DCDC2B: variants seen among roughly 807,000 people sequenced by gnomAD.
DCDC2B encodes doublecortin domain containing 2B, also known as doublecortin domain-containing protein 2B.
Under a neutral mutation model 38.9 loss-of-function variants are expected in DCDC2B, and 41 were observed. The ratio of observed to expected loss-of-function variants is 1.05; its 90% confidence interval spans 0.82 to 1.37. The LOEUF (loss-of-function observed/expected upper bound fraction) is 1.37, where lower values mean the gene tolerates loss of function less well. Ranked by LOEUF, DCDC2B falls within the 40% of genes most tolerant of loss-of-function variation. DCDC2B has a pLI of 0.00. For synonymous variants in DCDC2B, 181 were observed against 171.9 expected (o/e 1.05, Z -0.41); for missense variants, 453 against 427.2 (o/e 1.06, Z -0.53).
At chr1:32,215,752 G>T in intron 8 of DCDC2B, 50 bp from the exon 9 acceptor site, 1 of 1,428,112 alleles carries the variant, frequency 7.0e-7, no homozygotes, top group South Asian at 1.3e-5. Context: ...GAGAGCTGGA[G>T]GCTGGCCATA....
At chr1:32,209,976 T>C (rs892558003) in intron 1 of DCDC2B, among the ~76,000 whole-genome samples, 1 of 152,150 alleles carries the variant, frequency 6.6e-6, no homozygotes, top group Non-Finnish European at 1.5e-5. Flanking sequence ...GTGGATCACC[T>C]GAGGTCAGGT....
At chr1:32,209,826 C>G (rs1052588609) in intron 1 of DCDC2B, among the ~76,000 whole-genome samples, 1 of 152,200 alleles carries the variant, frequency 6.6e-6, no homozygotes, top group African/African-American at 2.4e-5. Flanking sequence ...ACCTGAGTCT[C>G]TGACTCATGT....
intron 5 of DCDC2B, 48 bp downstream of exon 5, chr1:32,212,684 A>G: frequency 6.2e-7 from 1 of 1,612,414 alleles, no homozygotes; most frequent in Non-Finnish European, 8.5e-7. Flanking sequence ...AGAGGAAGCC[A>G]CCCTCTGGGT....
chr1:32,212,415 C>T, intron 4 of DCDC2B, 75 bp from the exon 5 acceptor site: 7 of 1,585,060 alleles, frequency 4.4e-6, no homozygotes, highest in Non-Finnish European at 6.0e-6. Context: ...ATAGCTGCAC[C>T]CACCCCTTCA....
rs1638247250 is a variant in DCDC2B at position 32,214,735 on chromosome 1, G to T, written c.715-62G>T. 1.9e-6 allele frequency: 3 copies of T among 1,602,966 alleles called. No homozygotes were observed. In the South Asian group the frequency reaches 3.3e-5, roughly 18 times the overall value. On this transcript the variant is annotated intron_variant, in intron 6 of 8. Coordinates refer to ENST00000409358, the MANE Select transcript of DCDC2B (RefSeq NM_001099434.2). ...TCAGGGGCTCTCTGAAGCCTGAACT[G>T]GGGAGTAGGAAAGGTAAGAATGGCC...
At chr1:32,215,384 G>T in intron 7 of DCDC2B, 56 bp from the exon 8 acceptor site, 3 of 1,451,168 alleles carry the variant, frequency 2.1e-6, no homozygotes, top group Non-Finnish European at 2.8e-6. Flanking sequence ...GTCCAGGGCA[G>T]GAATGCTGAG....
At position 32,211,828 on chromosome 1, in the gene DCDC2B, G is replaced by T; in HGVS notation, c.386G>T (p.Ser129Ile). ...CGGCAGCTGCCTGCAGGTGCTCCCA[G>T]CTATATCCAGTGAGTGCCAGTGTGA... ...IGRQLPAGAP[S>I]YIHVFRNGDL... is the part of the protein sequence containing the mutation. The change falls in exon 3 of 9, where the codon AGC becomes ATC. Residue 129 changes from serine (S) to isoleucine (I), a missense_variant. Physicochemically the swap from Ser to Ile is moderately radical, Grantham distance 142 (BLOSUM62 -2). Transcript: ENST00000409358. 6.2e-7 allele frequency: 1 copy of T among 1,609,042 alleles called. No homozygotes were observed. The highest frequency in any genetic ancestry group is 8.5e-7 in the Non-Finnish European group (1 of 1,177,828).
At chr1:32,210,714 CT>C (rs541050742) in intron 1 of DCDC2B, among the ~76,000 whole-genome samples, 246 of 144,432 alleles carry the variant, frequency 1.7e-3, no homozygotes, top group Admixed American at 1.6e-3. Context: ...TTTCTCTTGA[CT>C]TTTTTTTTTT....
intron 1 of DCDC2B, among the ~76,000 whole-genome samples, chr1:32,209,608 G>GATC (rs1413945283): frequency 6.6e-6 from 1 of 152,124 alleles, no homozygotes; most frequent in Non-Finnish European, 1.5e-5. Context: ...TCACAGCCAA[G>GATC]ATCAGCCTGT....
chr1:32,215,856 G>A lies in DCDC2B; in HGVS notation c.1009G>A (p.Gly337Arg). The change falls in exon 9 of 9, where the codon GGG (glycine) becomes AGG (arginine). Residue 337 changes from glycine to arginine, a missense_variant. Gly to Arg is a moderately radical substitution (Grantham distance 125). Transcript: ENST00000409358. Reference protein sequence around the residue: ...ALSLENQPGAGAAISASAPAL... With the variant: ...ALSLENQPGARAAISASAPAL... Reference sequence around the variant, plus strand: ...GTCCCTGGAAAACCAGCCTGGGGCTGGGGCTGCTATCTCAGCCTCAGCCCC... The same window carrying A: ...GTCCCTGGAAAACCAGCCTGGGGCTAGGGCTGCTATCTCAGCCTCAGCCCC... 6.4e-7 allele frequency: 1 copy of A among 1,552,932 alleles called. No homozygotes were observed.
intron 1 of DCDC2B, among the ~76,000 whole-genome samples, chr1:32,210,043 A>C (rs1274806644): frequency 1.3e-5 from 2 of 151,948 alleles, no homozygotes; most frequent in Non-Finnish European, 2.9e-5. Context: ...AAATACAAAA[A>C]TTGGCCAGGC....
chr1:32,213,113 G>A (rs1371570449), intron 6 of DCDC2B, among the ~76,000 whole-genome samples: 1 of 152,140 alleles, frequency 6.6e-6, no homozygotes, highest in African/African-American at 2.4e-5. Context: ...GGCCAGGCTG[G>A]TCTTGAACTC....
chr1:32,215,556 A>G lies in DCDC2B; in HGVS notation c.954+13A>G. On this transcript the variant is annotated intron_variant, in intron 8 of 8. Coordinates refer to ENST00000409358, the MANE Select transcript of DCDC2B (RefSeq NM_001099434.2). ...GCCCTTGGATCAGGTAAGCTGTTGG[A>G]TCAGGAAACAGTATGTTGGGGTGGG... The G allele has an allele frequency of 6.2e-7, 1 of 1,610,830 alleles. No homozygotes were observed. The highest frequency in any genetic ancestry group is 8.5e-7 in the Non-Finnish European group (1 of 1,178,120).
intron 1 of DCDC2B, 44 bp from the exon 2 acceptor site, chr1:32,211,228 C>T: frequency 3.1e-6 from 5 of 1,587,742 alleles, no homozygotes; most frequent in South Asian, 1.1e-5. Flanking sequence ...GCTATTGAGG[C>T]CTCAGTCTCC....
Position 32,215,524 on chromosome 1 carries a change from C to G in DCDC2B, c.935C>G (p.Thr312Arg). 6.2e-7 allele frequency: 1 copy of G among 1,613,688 alleles called. No individual in the cohort carries two copies. Among genetic ancestry groups the G allele is most frequent in the Non-Finnish European group, 8.5e-7 (1 of 1,179,768 alleles). Residue 312 changes from threonine (T) to arginine (R), a missense_variant, in exon 8 of 9, where the codon ACA (threonine) becomes AGA (arginine). By Grantham distance (71) the Thr-to-Arg change is moderately conservative. Coordinates refer to ENST00000409358, the MANE Select transcript of DCDC2B (RefSeq NM_001099434.2). ...GTAGCAGATGATGAAGACACTCAGA[C>G]AGAGGAGCCCTTGGATCAGGTAAGC... ...LEVADDEDTQ[T>R]EEPLDQRAAQ...
At chr1:32,210,986 G>A (rs550149738) in intron 1 of DCDC2B, among the ~76,000 whole-genome samples, 18 of 152,278 alleles carry the variant, frequency 1.2e-4, no homozygotes, top group South Asian at 4.2e-4. Context: ...GATTACAGGC[G>A]TGAGCTGCCA....
At position 32,211,264 on chromosome 1, in the gene DCDC2B, C is replaced by A; in HGVS notation, c.267-8C>A. 6.2e-7 allele frequency: 1 copy of A among 1,613,722 alleles called. No individual in the cohort carries two copies. Among genetic ancestry groups the A allele is most frequent in the South Asian group, 1.1e-5 (1 of 91,070 alleles). On this transcript the variant is annotated splice_polypyrimidine_tract_variant and splice_region_variant and intron_variant, in intron 1 of 8. Transcript: ENST00000409358. Reference sequence around the variant, plus strand: ...ACAAGATGACCTGTGATCTATCTGTCCTTTCAGCTATTTACCCCATAGAGG... The same window carrying A: ...ACAAGATGACCTGTGATCTATCTGTACTTTCAGCTATTTACCCCATAGAGG...
chr1:32,212,596 G>A lies in DCDC2B; in HGVS notation c.634G>A (p.Glu212Lys). The change falls in exon 5 of 9, where the codon GAG becomes AAG. Residue 212 changes from glutamate to lysine, a missense_variant. Transcript: ENST00000409358. ...EDEFKDLPYLELLVPSPSLPR... is the reference protein window; with the variant it reads ...EDEFKDLPYLKLLVPSPSLPR... ...TGAGTTCAAGGACCTTCCCTATCTG[G>A]AGCTGCTGGTGCCCAGCCCCTCCCT... 4.3e-6 allele frequency: 7 copies of A among 1,614,020 alleles called. No individual in the cohort carries two copies. The highest frequency in any genetic ancestry group is 5.9e-6 in the Non-Finnish European group (7 of 1,179,888).
At chr1:32,210,707 C>A (rs1643550177) in intron 1 of DCDC2B, among the ~76,000 whole-genome samples, 1 of 151,576 alleles carries the variant, frequency 6.6e-6, no homozygotes, top group African/African-American at 2.4e-5. Context: ...TTTCTAGTTT[C>A]TCTTGACTTT....
Sources: allele counts gnomAD v4.1 joint callset (sites outside exome capture counted in the v4.1 genomes callset), GRCh38; gene constraint gnomAD v4.1.1; transcripts MANE v1.5; gene names NCBI Gene and HGNC (gene_info 2026-07-23, HGNC 2026-07-21).